The following ABLIM1 variants were observed in gnomAD, a reference collection of about 807,000 sequenced individuals.
ABLIM1 encodes actin-binding LIM protein 1.
ABLIM1 carries 40 observed loss-of-function variants against 107.0 expected under a neutral mutation model. That is an observed-to-expected ratio of 0.37 (90% CI 0.29 to 0.49). ABLIM1 has a LOEUF of 0.49. Among genes scored for constraint, ABLIM1 ranks in the 20% least tolerant of loss-of-function variants. The pLI is 0.97. For synonymous variants in ABLIM1, 357 were observed against 357.3 expected (o/e 1.00, Z 0.01); for missense variants, 857 against 1,008.5 (o/e 0.85, Z 2.04).
At chr10:114,796,244 G>A in the ABLIM1 span, among the ~76,000 whole-genome samples, 3 of 152,284 alleles carry the variant, frequency 2.0e-5, no homozygotes, top group Non-Finnish European at 2.9e-5. Flanking sequence ...TGGGAATTCA[G>A]GAGTGGCGTA....
intron 1 of ABLIM1, among the ~76,000 whole-genome samples, chr10:114,722,874 A>C (rs1399274675): frequency 2.0e-5 from 3 of 152,128 alleles, no homozygotes; most frequent in Non-Finnish European, 4.4e-5. Context: ...CAGCTCAATG[A>C]CATTTTAGGC....
chr10:114,687,523 C>T (rs559675122), upstream of ABLIM1, among the ~76,000 whole-genome samples: 11 of 152,236 alleles, frequency 7.2e-5, no homozygotes, highest in Admixed American at 6.5e-5. Flanking sequence ...AAGGTATGAC[C>T]GATAGTGATG....
At chr10:114,589,550 GA>G (rs2074613279) in intron 2 of ABLIM1, among the ~76,000 whole-genome samples, 1 of 150,888 alleles carries the variant, frequency 6.6e-6, no homozygotes, top group Non-Finnish European at 1.5e-5. Flanking sequence ...AAGAGAGAGA[GA>G]GAGAGGGGCT....
chr10:114,483,218 G>T (rs911997631), intron 8 of ABLIM1, among the ~76,000 whole-genome samples: 49 of 152,300 alleles, frequency 3.2e-4, no homozygotes, highest in African/African-American at 1.1e-3. Flanking sequence ...GTGTGCAGTT[G>T]GCTTGCTGTT....
At chr10:114,692,348 G>A (rs2081097818) in intron 1 of ABLIM1, among the ~76,000 whole-genome samples, 1 of 152,182 alleles carries the variant, frequency 6.6e-6, no homozygotes, top group Admixed American at 6.5e-5. Context: ...TCTTGTGTCT[G>A]CCTCCTTTCA....
chr10:114,551,054 G>A (rs1293303434), intron 4 of ABLIM1, among the ~76,000 whole-genome samples: 3 of 152,194 alleles, frequency 2.0e-5, no homozygotes, highest in African/African-American at 7.2e-5. Flanking sequence ...GAAGGTAGGA[G>A]CAGCATGGGC....
At chr10:114,618,238 C>A (rs1451326118) in intron 1 of ABLIM1, among the ~76,000 whole-genome samples, 1 of 152,154 alleles carries the variant, frequency 6.6e-6, no homozygotes, top group Non-Finnish European at 1.5e-5. Context: ...CTCTGTAGTG[C>A]CTCCTAGGAA....
At chr10:114,624,077 T>G (rs2077638596) in intron 1 of ABLIM1, among the ~76,000 whole-genome samples, 1 of 152,208 alleles carries the variant, frequency 6.6e-6, no homozygotes, top group Non-Finnish European at 1.5e-5. Flanking sequence ...CCTCTCGGTA[T>G]GAGTCACCAT....
chr10:114,640,383 T>C (rs1311065156), intron 1 of ABLIM1, among the ~76,000 whole-genome samples: 7 of 152,072 alleles, frequency 4.6e-5, no homozygotes, highest in Non-Finnish European at 7.4e-5. Context: ...AAAAATTAGC[T>C]GGGCATGGTG....
At chr10:114,486,837 G>T (rs531868141) in intron 8 of ABLIM1, among the ~76,000 whole-genome samples, 8 of 152,280 alleles carry the variant, frequency 5.3e-5, no homozygotes, top group African/African-American at 1.7e-4. Flanking sequence ...GTCTCCCTCT[G>T]ATTGATGGAT....
At chr10:114,461,605 A>G (rs1410143823) in intron 12 of ABLIM1, among the ~76,000 whole-genome samples, 2 of 151,970 alleles carry the variant, frequency 1.3e-5, no homozygotes. Context: ...GATCACTTGA[A>G]GCCAGGAGTT....
chr10:114,696,636 G>C (rs1655509870), intron 1 of ABLIM1, among the ~76,000 whole-genome samples: 1 of 152,140 alleles, frequency 6.6e-6, no homozygotes. Context: ...TTTATAAGGG[G>C]TTTCTCCTTT....
chr10:114,483,593 A>G (rs758953482), intron 8 of ABLIM1, among the ~76,000 whole-genome samples: 10 of 152,176 alleles, frequency 6.6e-5, no homozygotes, highest in Non-Finnish European at 1.5e-4. Context: ...ACTTCATTCT[A>G]TCAATGAGGA....
Position 114,493,072 on chromosome 10 carries a change from T to G in ABLIM1, c.895-1194A>C, listed in dbSNP as rs564788088. Among the ~76,000 whole-genome samples the G allele has an allele frequency of 4.6e-5, 7 of 152,326 alleles. No homozygotes were observed. In the East Asian group the frequency reaches 1.4e-3, roughly 29 times the overall value. ...CTACTTTTTATTTATTTGTAAAATT[T>G]TTTACTTTTCTGCAGAAGGAAGGGT... On this transcript the variant is annotated intron_variant, in intron 6 of 22. Transcript: ENST00000533213.
intron 1 of ABLIM1, among the ~76,000 whole-genome samples, chr10:114,743,597 G>C (rs2082327689): frequency 6.6e-6 from 1 of 152,096 alleles, no homozygotes. Flanking sequence ...AGGAGTTCTT[G>C]AACCTCTAAA....
At chr10:114,467,236 A>C (rs2065367375) in intron 11 of ABLIM1, among the ~76,000 whole-genome samples, 2 of 152,250 alleles carry the variant, frequency 1.3e-5, no homozygotes, top group African/African-American at 2.4e-5. Flanking sequence ...CTCCAAATCT[A>C]GAAAAGGATA....
At chr10:114,627,573 C>T (rs1337385425) in intron 1 of ABLIM1, among the ~76,000 whole-genome samples, 1 of 151,934 alleles carries the variant, frequency 6.6e-6, no homozygotes, top group African/African-American at 2.4e-5. Flanking sequence ...AGTTTCCTGA[C>T]CAAAATGGGG....
chr10:114,658,395 G>A (rs1176836225), upstream of ABLIM1: 1 of 1,084,344 alleles, frequency 9.2e-7, no homozygotes, highest in African/African-American at 1.6e-5. Context: ...AGATGACTAG[G>A]TATAAAAACA....
intron 15 of ABLIM1, among the ~76,000 whole-genome samples, chr10:114,445,859 C>A (rs905178749): frequency 6.6e-6 from 1 of 152,200 alleles, no homozygotes; most frequent in Non-Finnish European, 1.5e-5. Flanking sequence ...CAGCCTCGAC[C>A]TCCAGGCTCA....
Sources: allele counts gnomAD v4.1 joint callset (sites outside exome capture counted in the v4.1 genomes callset), GRCh38; gene constraint gnomAD v4.1.1; transcripts MANE v1.5; gene names NCBI Gene and HGNC (gene_info 2026-07-23, HGNC 2026-07-21).